Variants in RBFOX1 observed in about 807,000 individuals in gnomAD.
RBFOX1 encodes the protein RNA binding fox-1 homolog 1.
Under a neutral mutation model 57.7 loss-of-function variants are expected in RBFOX1, and 8 were observed. That is an observed-to-expected ratio of 0.14 (90% CI 0.08 to 0.25). The LOEUF (loss-of-function observed/expected upper bound fraction) is 0.25. Ranked by LOEUF, RBFOX1 falls within the 10% of genes least tolerant of loss-of-function variation. The probability of loss-of-function intolerance (pLI) is 1.00; values close to 1 mark genes in which losing one functional copy is unlikely to be tolerated. For missense variants in RBFOX1, 611 were observed against 548.5 expected (o/e 1.11, Z -1.14); for synonymous variants, 326 against 222.4 (o/e 1.47, Z -4.15).
Position 5,745,230 on chromosome 16 carries a change from A to G in RBFOX1, c.319-122073A>G, listed in dbSNP as rs142880273. On this transcript the variant is annotated intron_variant, in intron 3 of 19. Transcript: ENST00000641259. ...CCTTTGCGATAGTTTGCTGAGAATGATGGTTTCCAGCTTCATCCATGTCTC... is the reference window on the plus strand; with the variant it reads ...CCTTTGCGATAGTTTGCTGAGAATGGTGGTTTCCAGCTTCATCCATGTCTC... Among the ~76,000 whole-genome samples, 110 of 152,216 alleles carry G rather than the reference A, an allele frequency of 7.2e-4. 1 individual carries two copies. In the East Asian group the frequency reaches 0.019, roughly 27 times the overall value.
chr16:6,854,246 T>A (rs1051503207), intron 3 of RBFOX1, among the ~76,000 whole-genome samples: 6 of 152,156 alleles, frequency 3.9e-5, no homozygotes, highest in Non-Finnish European at 8.8e-5. Flanking sequence ...GAGGGACATA[T>A]ACCATTAGCA....
intron 1 of RBFOX1, among the ~76,000 whole-genome samples, chr16:5,372,506 A>G (rs1318431846): frequency 6.6e-6 from 1 of 152,096 alleles, no homozygotes; most frequent in Non-Finnish European, 1.5e-5. Flanking sequence ...AGTCTCCAGG[A>G]CTCTGATTCC....
At chr16:7,036,744 AAG>A (rs1404535594) in intron 3 of RBFOX1, among the ~76,000 whole-genome samples, 2 of 119,004 alleles carry the variant, frequency 1.7e-5, no homozygotes, top group Admixed American at 7.8e-5. Flanking sequence ...GAAAAAAAAA[AAG>A]AAAGAATTCA....
chr16:6,129,812 A>G (rs982520044), intron 1 of RBFOX1, among the ~76,000 whole-genome samples: 3 of 151,914 alleles, frequency 2.0e-5, no homozygotes, highest in Admixed American at 6.6e-5. Flanking sequence ...AATGCAGGGG[A>G]TGAATGGTAC....
In RBFOX1 at chr16:6,756,039, A is replaced by G. The variant is rs181188484; in HGVS notation, c.-16+101389A>G. On this transcript the variant is annotated intron_variant, in intron 3 of 15. Transcript: ENST00000550418. ...CAGCCCCGTTTGGATGACAGTACAC[A>G]ATGAGGTGCCTCCCAGGGAGTGACC... is the stretch of plus-strand genomic sequence containing the variant. Among the ~76,000 whole-genome samples, 29 of 152,274 alleles carry G rather than the reference A, an allele frequency of 1.9e-4. 1 individual carries two copies. In the East Asian group the frequency reaches 5.0e-3, roughly 26 times the overall value.
chr16:5,594,457 G>A (rs1189504186), intron 2 of RBFOX1, among the ~76,000 whole-genome samples: 3 of 152,138 alleles, frequency 2.0e-5, no homozygotes, highest in South Asian at 2.1e-4. Context: ...CAAGGTCAGA[G>A]CATAGTTTGA....
rs1397436268 is a variant in RBFOX1 at position 6,500,897 on chromosome 16, T to TGTTTGTTTGTTTGTTTGTTTGA, written c.-63-153706_-63-153705insGTTTGTTTGTTTGTTTGTTTGA. Among the ~76,000 whole-genome samples, 10 of 34,346 alleles carry TGTTTGTTTGTTTGTTTGTTTGA rather than the reference T, an allele frequency of 2.9e-4. No homozygotes were observed. In the East Asian group the frequency reaches 8.2e-3, roughly 28 times the overall value. 22.5% of individuals were successfully genotyped at this position (34,346 alleles called of 152,430 possible). On this transcript the variant is annotated intron_variant, in intron 2 of 15. Coordinates refer to ENST00000550418, the MANE Select transcript of RBFOX1 (RefSeq NM_018723.4). ...AGTAGTTTTTTTTTTTTTTTTTTTT[T>TGTTTGTTTGTTTGTTTGTTTGA]TTTTAATGCTGAGACATCCTCTGTC...
rs372669040 is a variant in RBFOX1, at chr16:6,441,154, G to A, written c.-64+124097G>A. ...GGAGGATGAGGGAACATGCCCTGGGGGGTGGTGAGTGGATGGCAGCTGTAT... is the reference window on the plus strand; with the variant it reads ...GGAGGATGAGGGAACATGCCCTGGGAGGTGGTGAGTGGATGGCAGCTGTAT... On this transcript the variant is annotated intron_variant, in intron 2 of 15. Coordinates refer to ENST00000550418, the MANE Select transcript of RBFOX1 (RefSeq NM_018723.4). 3.9e-5 allele frequency among the ~76,000 whole-genome samples: 6 copies of A among 152,242 alleles called. No homozygotes were observed. In the East Asian group the frequency reaches 5.8e-4, roughly 15 times the overall value.
At chr16:7,155,125 C>T (rs1372709125) in intron 4 of RBFOX1, among the ~76,000 whole-genome samples, 2 of 152,100 alleles carry the variant, frequency 1.3e-5, no homozygotes, top group Admixed American at 1.3e-4. Context: ...GAAAGATAAA[C>T]AACTGTTATC....
intron 2 of RBFOX1, among the ~76,000 whole-genome samples, chr16:6,452,772 G>A (rs143024765): frequency 6.6e-6 from 1 of 152,300 alleles, no homozygotes; most frequent in African/African-American, 2.4e-5. Context: ...CACTAGCTAT[G>A]TGACCTGGGT....
At chr16:7,608,753 A>T (rs748203872) in intron 10 of RBFOX1, among the ~76,000 whole-genome samples, 1 of 152,228 alleles carries the variant, frequency 6.6e-6, no homozygotes, top group Non-Finnish European at 1.5e-5. Flanking sequence ...ATTTATTAGA[A>T]TTAAATGGGT....
At chr16:5,784,967 C>G (rs2054450492) in intron 3 of RBFOX1, among the ~76,000 whole-genome samples, 1 of 152,156 alleles carries the variant, frequency 6.6e-6, no homozygotes, top group Admixed American at 6.5e-5. Flanking sequence ...CATAGCAGCC[C>G]AAACAGACTA....
chr16:7,049,751 A>G (rs116044539), intron 3 of RBFOX1, among the ~76,000 whole-genome samples: 3,369 of 152,250 alleles, frequency 0.022, 116 homozygotes, highest in African/African-American at 0.075. Context: ...TGCATTCTAT[A>G]CAGATTTCCT....
chr16:6,925,991 C>T (rs1461524069), intron 3 of RBFOX1, among the ~76,000 whole-genome samples: 1 of 152,082 alleles, frequency 6.6e-6, no homozygotes, highest in African/African-American at 2.4e-5. Flanking sequence ...TGTCAACCGT[C>T]AGATCTCTGT....
intron 2 of RBFOX1, among the ~76,000 whole-genome samples, chr16:5,573,308 C>T (rs1226055233): frequency 6.6e-6 from 1 of 152,144 alleles, no homozygotes; most frequent in South Asian, 2.1e-4. Flanking sequence ...GAGGTGAAGG[C>T]CACAAAGGTG....
At chr16:6,647,295 G>C (rs960868478) in intron 2 of RBFOX1, among the ~76,000 whole-genome samples, 1 of 152,098 alleles carries the variant, frequency 6.6e-6, no homozygotes, top group Non-Finnish European at 1.5e-5. Flanking sequence ...CCAGGCTCTA[G>C]TGCAGTGACG....
At chr16:7,032,031 C>T (rs1391977458) in intron 3 of RBFOX1, among the ~76,000 whole-genome samples, 3 of 152,150 alleles carry the variant, frequency 2.0e-5, no homozygotes, top group African/African-American at 7.2e-5. Flanking sequence ...GAAAGAAAGT[C>T]GATTCTCCTT....
At chr16:7,234,781 A>G (rs1288217073) in intron 4 of RBFOX1, among the ~76,000 whole-genome samples, 1 of 151,936 alleles carries the variant, frequency 6.6e-6, no homozygotes, top group East Asian at 1.9e-4. Flanking sequence ...GTAATAGACT[A>G]CATTCAAACT....
chr16:6,163,897 C>G (rs111668544), intron 1 of RBFOX1, among the ~76,000 whole-genome samples: 1,948 of 152,140 alleles, frequency 0.013, 17 homozygotes, highest in Middle Eastern at 0.027. Flanking sequence ...CAGACGTTGC[C>G]TCTGTGTTTT....
Sources: gnomAD v4.1 joint callset for allele counts (sites outside exome capture counted in the v4.1 genomes callset) on GRCh38, gnomAD v4.1.1 for gene constraint, MANE v1.5 for transcripts, NCBI Gene and HGNC (gene_info 2026-07-23, HGNC 2026-07-21) for gene names.